Variants in C6orf62 observed in about 807,000 individuals in gnomAD.
C6orf62 encodes uncharacterized protein C6orf62.
Under a neutral mutation model 26.8 loss-of-function variants are expected in C6orf62, and 16 were observed. The observed-to-expected ratio is 0.60, with a 90% CI of 0.40 to 0.91. The LOEUF (loss-of-function observed/expected upper bound fraction) is 0.91, where lower values mean the gene tolerates loss of function less well. Ranked by LOEUF, C6orf62 falls within the 40% of genes least tolerant of loss-of-function variation. The pLI is 0.00. For missense variants in C6orf62, 192 were observed against 271.4 expected (o/e 0.71, Z 2.06); for synonymous variants, 112 against 91.5 (o/e 1.22, Z -1.28).
In C6orf62 at chr6:24,710,329, G is replaced by A. The variant is rs373213544; in HGVS notation, c.430-1418C>T. 278 of 748,176 alleles carry A rather than the reference G, an allele frequency of 3.7e-4. 1 individual carries two copies. The South Asian group carries it at 0.014, about 37-fold the overall frequency. The allele number at this position is 748,176 out of a possible 1,614,324, so 46.3% of individuals were successfully genotyped here. ...TGCCCAGGCTGGAGTGCAATGGCGC[G>A]ATCTCGGCTCACTGCAACCTCCGCC... On this transcript the variant is annotated intron_variant, in intron 3 of 4. Coordinates refer to ENST00000378119, the MANE Select transcript of C6orf62 (RefSeq NM_030939.5).
Position 24,705,704 on chromosome 6 carries a change from T to C in C6orf62, c.*433A>G, listed in dbSNP as rs1778994581. On this transcript the variant is annotated 3_prime_UTR_variant, in exon 5 of 5. Transcript: ENST00000378119. ...AACTGTGATTATAGCAAAGTTATTG[T>C]TTTTAAAAATGTTATTTATACCTGT... is the stretch of plus-strand genomic sequence containing the variant. 1 of 153,594 alleles carries C rather than the reference T, an allele frequency of 6.5e-6. No individual in the cohort carries two copies. The highest frequency in any genetic ancestry group is 2.4e-5 in the African/African-American group (1 of 41,480). 9.5% of individuals were successfully genotyped at this position (153,594 alleles called of 1,614,324 possible). A position where few individuals can be genotyped will look rare whatever the true frequency, so the allele number is the denominator to read the frequency against.
At chr6:24,711,433 C>G (rs1779118597) in intron 3 of C6orf62, among the ~76,000 whole-genome samples, 1 of 152,114 alleles carries the variant, frequency 6.6e-6, no homozygotes, top group African/African-American at 2.4e-5. Context: ...CTGAAGAACT[C>G]AGTATTTAAA....
rs1331143861 is a variant in C6orf62 at position 24,705,066 on chromosome 6, A to G, written c.*1071T>C. 2.5e-5 allele frequency: 3 copies of G among 121,118 alleles called. No individual in the cohort carries two copies. Among genetic ancestry groups the G allele is most frequent in the Non-Finnish European group, 3.5e-5 (2 of 56,456 alleles). The allele number at this position is 121,118 out of a possible 1,614,324, so 7.5% of individuals were successfully genotyped here. ...CCTTAAGCAAAGCTTTTCTTCATTT[A>G]AAAGGAGAAAAAAAAAAAAACCTAT... On this transcript the variant is annotated 3_prime_UTR_variant, in exon 5 of 5. Transcript: ENST00000378119.
At chr6:24,713,986 G>A (rs924391581) in intron 3 of C6orf62, among the ~76,000 whole-genome samples, 42 of 152,130 alleles carry the variant, frequency 2.8e-4, no homozygotes, top group Admixed American at 2.6e-3. Flanking sequence ...TTAAATATAC[G>A]GTTTTAGAAG....
upstream of C6orf62, chr6:24,720,374 T>G: frequency 8.3e-7 from 1 of 1,205,604 alleles, no homozygotes; most frequent in Non-Finnish European, 1.0e-6. Flanking sequence ...CCATCCCCGC[T>G]GCAGTGCGCA....
rs1464930216 is a variant in C6orf62 at position 24,719,040 on chromosome 6, G to A, written c.-372C>T. The A allele has an allele frequency of 2.8e-6, 3 of 1,069,504 alleles. No homozygotes were observed. The highest frequency in any genetic ancestry group is 1.9e-4 in the East Asian group (2 of 10,312). The allele number at this position is 1,069,504 out of a possible 1,614,324, so 66.3% of individuals were successfully genotyped here. A position where few individuals can be genotyped will look rare whatever the true frequency, so the allele number is the denominator to read the frequency against. ...TGAAAAGCCTATAATCAGGATTTAG[G>A]TGTGCAATAAAACACAGCTGACACC... is the stretch of plus-strand genomic sequence containing the variant. On this transcript the variant is annotated 5_prime_UTR_variant, in exon 1 of 5. Transcript: ENST00000378119.
chr6:24,717,054 A>T (rs1271114943), intron 1 of C6orf62, among the ~76,000 whole-genome samples: 1 of 152,178 alleles, frequency 6.6e-6, no homozygotes, highest in Non-Finnish European at 1.5e-5. Flanking sequence ...ACTAAAAAGA[A>T]GCACACCAAG....
rs1779001667 is a variant in C6orf62 at position 24,706,080 on chromosome 6, C to T, written c.*57G>A. 9 of 1,592,082 alleles carry T rather than the reference C, an allele frequency of 5.7e-6. No homozygotes were observed. Among genetic ancestry groups the T allele is most frequent in the Non-Finnish European group, 7.7e-6 (9 of 1,166,622 alleles). ...CTGAAAGAATAAAGTGGTAAGAAAA[C>T]AAGAAAAAAAACTGCTGCTGCATTC... On this transcript the variant is annotated 3_prime_UTR_variant, in exon 5 of 5. Coordinates refer to ENST00000378119, the MANE Select transcript of C6orf62 (RefSeq NM_030939.5).
intron 4 of C6orf62, among the ~76,000 whole-genome samples, chr6:24,707,892 T>C (rs1251991994): frequency 6.6e-6 from 1 of 151,400 alleles, no homozygotes; most frequent in East Asian, 1.9e-4. Context: ...GCACCTGTAG[T>C]CCCAGCTACT....
chr6:24,710,238 A>C, intron 3 of C6orf62: 1 of 985,224 alleles, frequency 1.0e-6, no homozygotes, highest in Non-Finnish European at 1.2e-6. Flanking sequence ...CTTTCCCAGA[A>C]TAAGATGTGG....
chr6:24,714,518 C>T, intron 2 of C6orf62, 78 bp from the exon 3 acceptor site: 1 of 1,082,102 alleles, frequency 9.2e-7, no homozygotes, highest in South Asian at 1.7e-5. Flanking sequence ...TTATAGGGTT[C>T]CCCTATAAAA....
intron 3 of C6orf62, chr6:24,709,804 C>G: frequency 3.0e-6 from 3 of 985,410 alleles, no homozygotes; most frequent in Non-Finnish European, 3.6e-6. Flanking sequence ...CATGACCAGG[C>G]TTGATGGAGA....
intron 3 of C6orf62, chr6:24,709,566 G>C: frequency 5.1e-6 from 5 of 984,936 alleles, no homozygotes; most frequent in Non-Finnish European, 6.0e-6. Flanking sequence ...TAAATGAAAT[G>C]TAAAGCCCAC....
chr6:24,712,168 T>C (rs917400605), intron 3 of C6orf62, among the ~76,000 whole-genome samples: 5 of 151,320 alleles, frequency 3.3e-5, no homozygotes, highest in Non-Finnish European at 5.9e-5. Flanking sequence ...GCAGATCACT[T>C]GAGGTCAAGG....
chr6:24,716,215 C>T lies in C6orf62; in HGVS notation c.239G>A (p.Ser80Asn), dbSNP rs368449457. ...ATCCTTCTGTAAAAGCTCTAGGGAACTTTCCAAGGAATAGCTGGAATCTCG... is the reference window on the plus strand; with the variant it reads ...ATCCTTCTGTAAAAGCTCTAGGGAATTTTCCAAGGAATAGCTGGAATCTCG... Reference protein sequence around the residue: ...GVRDSSYSLESSLELLQKDVV... With the variant: ...GVRDSSYSLENSLELLQKDVV... The change falls in exon 2 of 5, where the codon AGT becomes AAT. Residue 80 changes from serine (S) to asparagine (N), a missense_variant. Ser to Asn is a conservative substitution (Grantham distance 46). Transcript: ENST00000378119. The T allele has an allele frequency of 5.6e-6, 9 of 1,613,972 alleles. No homozygotes were observed. Among genetic ancestry groups the T allele is most frequent in the Non-Finnish European group, 6.8e-6 (8 of 1,179,858 alleles).
At chr6:24,709,311 T>C (rs1779075288) in intron 3 of C6orf62, 1 of 985,410 alleles carries the variant, frequency 1.0e-6, no homozygotes, top group Non-Finnish European at 1.2e-6. Context: ...TAAAATTGTA[T>C]TTTCAAACCT....
rs568243108 is a variant in C6orf62 at position 24,711,374 on chromosome 6, G to T, written c.430-2463C>A. ...TTGGCAGTAGCATTAATAATGAAGA[G>T]AAAAGAAGAGATACATTTTAGTAGT... On this transcript the variant is annotated intron_variant, in intron 3 of 4. Coordinates refer to ENST00000378119, the MANE Select transcript of C6orf62 (RefSeq NM_030939.5). Among the ~76,000 whole-genome samples the T allele has an allele frequency of 9.2e-5, 14 of 152,190 alleles. No homozygotes were observed. The South Asian group carries it at 2.7e-3, about 29-fold the overall frequency.
chr6:24,716,235 A>G lies in C6orf62; in HGVS notation c.219T>C (p.Asp73=). ...YEENILKGVR[D]SSYSLESSLE... The stretch of plus-strand genomic sequence containing the variant: ...GGGAACTTTCCAAGGAATAGCTGGA[A>G]TCTCGCACACCTTTCAGGATATTTT... The change falls in exon 2 of 5, where the codon GAT becomes GAC. Residue 73 remains aspartate (D), a synonymous_variant. Transcript: ENST00000378119. The G allele has an allele frequency of 6.2e-7, 1 of 1,613,650 alleles. No homozygotes were observed. The highest frequency in any genetic ancestry group is 1.1e-5 in the South Asian group (1 of 91,082).
At chr6:24,707,993 A>G (rs1329632254) in intron 4 of C6orf62, among the ~76,000 whole-genome samples, 5 of 148,818 alleles carry the variant, frequency 3.4e-5, no homozygotes, top group Non-Finnish European at 7.4e-5. Context: ...CCTGGGCGAC[A>G]GAGACTCCCT....
Sources: gnomAD v4.1 joint callset for allele counts (sites outside exome capture counted in the v4.1 genomes callset) on GRCh38, gnomAD v4.1.1 for gene constraint, MANE v1.5 for transcripts, NCBI Gene and HGNC (gene_info 2026-07-23, HGNC 2026-07-21) for gene names.